Variants in BBX observed in about 807,000 individuals in gnomAD.
The protein encoded by BBX is BBX high mobility group box domain containing.
BBX carries 30 observed loss-of-function variants against 100.2 expected under a neutral mutation model. The ratio of observed to expected loss-of-function variants is 0.30; its 90% CI spans 0.22 to 0.41. BBX has a LOEUF of 0.41. BBX is among the 10% of genes least tolerant of loss of function. BBX has a pLI of 1.00. For synonymous variants in BBX, 376 were observed against 388.1 expected (o/e 0.97, Z 0.37); for missense variants, 1,023 against 1,129.8 (o/e 0.91, Z 1.35).
At chr3:107,783,444 C>T (rs1256871881) in intron 13 of BBX, among the ~76,000 whole-genome samples, 1 of 151,968 alleles carries the variant, frequency 6.6e-6, no homozygotes, top group Non-Finnish European at 1.5e-5. Flanking sequence ...TTTTAGATTT[C>T]TCTGATTATG....
chr3:107,548,891 A>G (rs1328184490), intron 2 of BBX, among the ~76,000 whole-genome samples: 1 of 152,246 alleles, frequency 6.6e-6, no homozygotes, highest in East Asian at 1.9e-4. Flanking sequence ...ACGTAAGAAC[A>G]GAAAACCAAA....
chr3:107,725,259 G>T (rs1475404394), intron 5 of BBX, among the ~76,000 whole-genome samples: 2 of 152,118 alleles, frequency 1.3e-5, no homozygotes, highest in African/African-American at 4.8e-5. Context: ...CATTGATTTT[G>T]TATCCTGAGA....
At chr3:107,559,859 C>T (rs2107468244) in intron 2 of BBX, among the ~76,000 whole-genome samples, 1 of 152,278 alleles carries the variant, frequency 6.6e-6, no homozygotes, top group South Asian at 2.1e-4. Flanking sequence ...CCTCCCAACT[C>T]TCAGCCTCCC....
At chr3:107,650,258 C>T (rs1014907986) in intron 3 of BBX, among the ~76,000 whole-genome samples, 2 of 152,130 alleles carry the variant, frequency 1.3e-5, no homozygotes, top group African/African-American at 4.8e-5. Flanking sequence ...AGATCAGCAG[C>T]GGCATTAGAT....
rs970896532 is a variant in BBX at position 107,544,879 on chromosome 3, T to G, written c.-84+18481T>G. On this transcript the variant is annotated intron_variant, in intron 2 of 17. Transcript: ENST00000325805. ...AAAAAAGAAAAAAAGTAGCCGGACATGGTGGCGGGCACCTGTAGTCCCAGC... is the reference window on the plus strand; with the variant it reads ...AAAAAAGAAAAAAAGTAGCCGGACAGGGTGGCGGGCACCTGTAGTCCCAGC... 4.0e-5 allele frequency among the ~76,000 whole-genome samples: 6 copies of G among 149,076 alleles called. No individual in the cohort carries two copies. In the South Asian group the frequency reaches 1.3e-3, roughly 32 times the overall value.
intron 2 of BBX, among the ~76,000 whole-genome samples, chr3:107,554,579 G>A (rs1296813012): frequency 6.6e-6 from 1 of 152,182 alleles, no homozygotes; most frequent in Non-Finnish European, 1.5e-5. Flanking sequence ...GTTACTTGCG[G>A]AGTTTAACTT....
At chr3:107,778,997 A>ATATATATATATATATATATATATG (rs1559703045) in intron 13 of BBX, among the ~76,000 whole-genome samples, 6 of 65,922 alleles carry the variant, frequency 9.1e-5, no homozygotes, top group African/African-American at 2.8e-4. Flanking sequence ...CCAGCAACAT[A>ATATATATATATATATATATATATG]TATATATATA....
At chr3:107,614,597 G>A (rs1210325073) in intron 2 of BBX, among the ~76,000 whole-genome samples, 1 of 152,054 alleles carries the variant, frequency 6.6e-6, no homozygotes, top group Non-Finnish European at 1.5e-5. Flanking sequence ...GATATTAAAT[G>A]GTGTAGTATT....
At chr3:107,750,457 C>T (rs2064992609) in intron 9 of BBX, among the ~76,000 whole-genome samples, 1 of 152,070 alleles carries the variant, frequency 6.6e-6, no homozygotes, top group Non-Finnish European at 1.5e-5. Context: ...ATAACTTTTC[C>T]TAGTTATATT....
chr3:107,726,731 A>G (rs1424108441), intron 5 of BBX, among the ~76,000 whole-genome samples: 2 of 152,066 alleles, frequency 1.3e-5, no homozygotes, highest in African/African-American at 2.4e-5. Flanking sequence ...GACCATGTGT[A>G]AAAAGAAATA....
chr3:107,725,192 T>G (rs910485994), intron 5 of BBX, among the ~76,000 whole-genome samples: 1 of 152,196 alleles, frequency 6.6e-6, no homozygotes, highest in Non-Finnish European at 1.5e-5. Context: ...AGTTCACTCA[T>G]GATTTGGCTC....
Position 107,545,712 on chromosome 3 carries a change from G to T in BBX, c.-84+19314G>T, listed in dbSNP as rs558240074. On this transcript the variant is annotated intron_variant, in intron 2 of 17. Transcript: ENST00000325805. ...CTCTTTAGGGAATGGCAATTGGTGG[G>T]ATATTCAGTAGGAAATCCATTACCC... Among the ~76,000 whole-genome samples the T allele has an allele frequency of 4.6e-5, 7 of 152,290 alleles. No homozygotes were observed. The East Asian group carries it at 1.4e-3, about 29-fold the overall frequency.
chr3:107,647,374 G>C (rs570198715), intron 3 of BBX, among the ~76,000 whole-genome samples: 27 of 152,256 alleles, frequency 1.8e-4, no homozygotes, highest in Non-Finnish European at 3.7e-4. Context: ...AATGAACCAA[G>C]ATTACCATGG....
intron 10 of BBX, among the ~76,000 whole-genome samples, chr3:107,763,327 C>T (rs111742948): frequency 0.017 from 2,518 of 152,016 alleles, 63 homozygotes; most frequent in African/African-American, 0.056. Context: ...CGGGTTCACG[C>T]CACTCTCCTG....
intron 3 of BBX, among the ~76,000 whole-genome samples, chr3:107,666,412 T>A (rs1354217154): frequency 6.6e-6 from 1 of 152,196 alleles, no homozygotes; most frequent in Non-Finnish European, 1.5e-5. Flanking sequence ...TTGCAACTTT[T>A]AGCATAAAAT....
intron 3 of BBX, among the ~76,000 whole-genome samples, chr3:107,691,094 A>G (rs2060142992): frequency 6.6e-6 from 1 of 151,706 alleles, no homozygotes. Flanking sequence ...TTTTGTAGAG[A>G]CAGAGTCTGA....
At chr3:107,530,465 A>G (rs902002848) in intron 2 of BBX, among the ~76,000 whole-genome samples, 6 of 152,252 alleles carry the variant, frequency 3.9e-5, no homozygotes, top group African/African-American at 1.4e-4. Context: ...ATTTTATGAA[A>G]TCTTAAAAAA....
At chr3:107,705,924 T>C (rs757935167) in intron 3 of BBX, among the ~76,000 whole-genome samples, 4 of 152,064 alleles carry the variant, frequency 2.6e-5, no homozygotes, top group Non-Finnish European at 5.9e-5. Context: ...TTAATAAATA[T>C]GGCATTTGCT....
At chr3:107,770,285 A>G (rs995473002) in intron 10 of BBX, among the ~76,000 whole-genome samples, 1 of 152,216 alleles carries the variant, frequency 6.6e-6, no homozygotes, top group African/African-American at 2.4e-5. Context: ...GCATACCACT[A>G]AAAACTAGCG....
Sources: allele counts gnomAD v4.1 joint callset (sites outside exome capture counted in the v4.1 genomes callset), GRCh38; gene constraint gnomAD v4.1.1; transcripts MANE v1.5; gene names NCBI Gene and HGNC (gene_info 2026-07-23, HGNC 2026-07-21).